The following SAMD5 variants were observed in gnomAD, a reference collection of about 807,000 sequenced individuals.
SAMD5 encodes the protein sterile alpha motif domain containing 5, also known as sterile alpha motif domain-containing protein 5.
SAMD5 carries 13 observed loss-of-function variants against 11.3 expected under a neutral mutation model. The observed-to-expected ratio is 1.15, with a 90% CI of 0.75 to 1.83. The LOEUF is 1.83. Among genes scored for constraint, SAMD5 ranks in the 40% most tolerant of loss-of-function variants. The pLI, the probability that SAMD5 is intolerant of heterozygous loss-of-function variation, is 0.00. For synonymous variants in SAMD5, 129 were observed against 111.3 expected (o/e 1.16, Z -1.00); for missense variants, 255 against 239.1 (o/e 1.07, Z -0.44).
chr6:147,720,810 C>T (rs1353789827), intron 1 of SAMD5, among the ~76,000 whole-genome samples: 8 of 148,844 alleles, frequency 5.4e-5, no homozygotes, highest in African/African-American at 2.5e-5. Flanking sequence ...AACTCGTCAT[C>T]TAGCATTAGG....
chr6:147,640,012 A>G lies in SAMD5; in HGVS notation c.163-97305A>G, dbSNP rs149401827. On this transcript the variant is annotated intron_variant, in intron 1 of 1. Coordinates refer to the SAMD5 transcript ENST00000566741. The stretch of plus-strand genomic sequence containing the variant: ...GAATTGTTCAGCTGCCGTCACACAC[A>G]TTATGGCTAAAAAGCTTCATGGTAA... Among the ~76,000 whole-genome samples, 104 of 152,252 alleles carry G rather than the reference A, an allele frequency of 6.8e-4. 1 individual carries two copies. The highest frequency in any genetic ancestry group is 2.3e-3 in the African/African-American group (94 of 41,560).
At chr6:147,908,292 C>A in the SAMD5 span, among the ~76,000 whole-genome samples, 3 of 152,138 alleles carry the variant, frequency 2.0e-5, no homozygotes, top group African/African-American at 7.2e-5. Context: ...GCTCCGTGTC[C>A]TGTGCTGAGG....
At chr6:147,935,504 T>C in the SAMD5 span, among the ~76,000 whole-genome samples, 1 of 152,214 alleles carries the variant, frequency 6.6e-6, no homozygotes, top group Admixed American at 6.6e-5. Context: ...GTTAAGGTGA[T>C]GTCCTACAGA....
chr6:147,643,767 A>AGGAT (rs1052279504), intron 1 of SAMD5, among the ~76,000 whole-genome samples: 1 of 149,176 alleles, frequency 6.7e-6, no homozygotes, highest in Non-Finnish European at 1.5e-5. Context: ...GAAGGAAGGA[A>AGGAT]GGAAGGAAGG....
At chr6:147,944,619 A>C in the SAMD5 span, among the ~76,000 whole-genome samples, 1 of 152,194 alleles carries the variant, frequency 6.6e-6, no homozygotes, top group Non-Finnish European at 1.5e-5. Flanking sequence ...CCATCCTGAA[A>C]AACTATTGAC....
intron 1 of SAMD5, among the ~76,000 whole-genome samples, chr6:147,734,935 T>G (rs1401477291): frequency 2.0e-5 from 3 of 152,040 alleles, no homozygotes; most frequent in Non-Finnish European, 4.4e-5. Flanking sequence ...CATCATGACT[T>G]GATATTGGCT....
chr6:147,561,976 A>G (rs1788957971), intron 1 of SAMD5, among the ~76,000 whole-genome samples: 1 of 152,298 alleles, frequency 6.6e-6, no homozygotes, highest in Non-Finnish European at 1.5e-5. Context: ...AATCCTGTTC[A>G]TCTGCCCCCC....
At chr6:147,540,176 AG>A (rs530911797) in intron 1 of SAMD5, among the ~76,000 whole-genome samples, 64 of 147,340 alleles carry the variant, frequency 4.3e-4, no homozygotes, top group Non-Finnish European at 7.9e-4. Context: ...AGAAGCTAAT[AG>A]GGGGGAAAAC....
intron 1 of SAMD5, among the ~76,000 whole-genome samples, chr6:147,511,105 T>A (rs183850606): frequency 2.6e-5 from 4 of 152,334 alleles, no homozygotes; most frequent in Admixed American, 2.6e-4. Flanking sequence ...AAGAAAGGAA[T>A]GCAGAGAGCA....
intron 1 of SAMD5, among the ~76,000 whole-genome samples, chr6:147,708,916 G>A (rs1217152345): frequency 9.2e-5 from 14 of 152,250 alleles, no homozygotes; most frequent in South Asian, 4.1e-4. Context: ...GATTGGTTTC[G>A]CACTTCATTG....
chr6:147,513,690 C>T (rs184952434), intron 1 of SAMD5, among the ~76,000 whole-genome samples: 61 of 152,076 alleles, frequency 4.0e-4, no homozygotes, highest in African/African-American at 1.5e-3. Flanking sequence ...CTTGTCAAAG[C>T]AAAAGGTAAG....
chr6:147,610,111 T>C (rs1232997689), intron 1 of SAMD5, among the ~76,000 whole-genome samples: 1 of 152,168 alleles, frequency 6.6e-6, no homozygotes, highest in African/African-American at 2.4e-5. Flanking sequence ...TGAGATACTT[T>C]CCATGCTGGG....
downstream of SAMD5, among the ~76,000 whole-genome samples, chr6:147,739,347 G>C (rs1267730798): frequency 9.9e-5 from 15 of 152,160 alleles, no homozygotes; most frequent in Admixed American, 7.9e-4. Flanking sequence ...TGTAATCCTA[G>C]CACCTTGGGA....
intron 1 of SAMD5, among the ~76,000 whole-genome samples, chr6:147,732,668 C>T (rs918326653): frequency 6.6e-6 from 1 of 152,056 alleles, no homozygotes; most frequent in African/African-American, 2.4e-5. Context: ...GTCTTGTTTT[C>T]CCTGGTGTAA....
chr6:147,816,301 A>AAAAAAAAAAAAAAAAAAT, the SAMD5 span, among the ~76,000 whole-genome samples: 6 of 66,354 alleles, frequency 9.0e-5, no homozygotes, highest in Admixed American at 2.0e-4. Flanking sequence ...AAAAAAAAAA[A>AAAAAAAAAAAAAAAAAAT]ATATATATAT....
intron 1 of SAMD5, among the ~76,000 whole-genome samples, chr6:147,527,276 C>T (rs1218372808): frequency 6.6e-6 from 1 of 152,078 alleles, no homozygotes; most frequent in Non-Finnish European, 1.5e-5. Flanking sequence ...ATGGCAACGT[C>T]TGCTTCCAGG....
At chr6:147,592,487 T>A (rs562296726) in intron 1 of SAMD5, among the ~76,000 whole-genome samples, 2 of 152,148 alleles carry the variant, frequency 1.3e-5, no homozygotes, top group African/African-American at 4.8e-5. Flanking sequence ...AGCCAGCACA[T>A]CCCAACACAA....
intron 1 of SAMD5, among the ~76,000 whole-genome samples, chr6:147,627,583 T>C (rs943123133): frequency 1.2e-4 from 18 of 152,308 alleles, no homozygotes; most frequent in African/African-American, 3.8e-4. Context: ...CATTACACAC[T>C]GCCCGGTGTG....
At chr6:147,527,178 C>T (rs1359492385) in intron 1 of SAMD5, among the ~76,000 whole-genome samples, 1 of 152,166 alleles carries the variant, frequency 6.6e-6, no homozygotes, top group African/African-American at 2.4e-5. Context: ...TCCATTCTCA[C>T]ATTGTTATAA....
Sources: gnomAD v4.1 joint callset for allele counts (sites outside exome capture counted in the v4.1 genomes callset) on GRCh38, gnomAD v4.1.1 for gene constraint, MANE v1.5 for transcripts, NCBI Gene and HGNC (gene_info 2026-07-23, HGNC 2026-07-21) for gene names.